Variants in MGAT4C observed in about 807,000 individuals in gnomAD.
MGAT4C encodes alpha-1,3-mannosyl-glycoprotein 4-beta-N-acetylglucosaminyltransferase C.
MGAT4C carries 19 observed loss-of-function variants against 40.1 expected under a neutral mutation model. That is an observed-to-expected ratio of 0.47 (90% CI 0.33 to 0.70). The LOEUF (loss-of-function observed/expected upper bound fraction) is 0.70. Among genes scored for constraint, MGAT4C ranks in the 30% least tolerant of loss-of-function variants. MGAT4C has a pLI of 0.02. For missense variants in MGAT4C, 491 were observed against 563.2 expected (o/e 0.87, Z 1.30); for synonymous variants, 181 against 187.1 (o/e 0.97, Z 0.27).
chr12:86,070,341 T>A (rs1057453561), intron 1 of MGAT4C, among the ~76,000 whole-genome samples: 4 of 152,246 alleles, frequency 2.6e-5, no homozygotes, highest in African/African-American at 9.6e-5. Context: ...CACATTTGAT[T>A]GCCAAGTTTA....
At chr12:86,442,680 C>T (rs931413279) in intron 2 of MGAT4C, among the ~76,000 whole-genome samples, 11 of 150,988 alleles carry the variant, frequency 7.3e-5, no homozygotes, top group African/African-American at 2.4e-4. Context: ...TTTCTGAGGG[C>T]TCTGTTCTGT....
chr12:86,569,021 AAGG>A (rs769863195), intron 2 of MGAT4C, among the ~76,000 whole-genome samples: 4 of 151,974 alleles, frequency 2.6e-5, no homozygotes, highest in Non-Finnish European at 5.9e-5. Context: ...AAATTTAACC[AAGG>A]AGGTGAAAAA....
intron 2 of MGAT4C, among the ~76,000 whole-genome samples, chr12:86,707,015 G>C (rs1360643324): frequency 1.3e-5 from 2 of 152,278 alleles, no homozygotes; most frequent in East Asian, 3.9e-4. Context: ...GATGTGACTT[G>C]CTCCTCCTTG....
At chr12:86,655,562 GA>G (rs1405370240) in intron 2 of MGAT4C, among the ~76,000 whole-genome samples, 5 of 151,772 alleles carry the variant, frequency 3.3e-5, no homozygotes, top group East Asian at 1.9e-4. Context: ...CATATTCAAT[GA>G]AAAAAAATTT....
At position 86,077,504 on chromosome 12, in the gene MGAT4C, C is replaced by T. The variant is rs117430536; in HGVS notation, c.-56-27781G>A. Reference sequence around the variant, plus strand: ...TTTAACAAAAGGAGTAGGAAATACTCATGACAATTACAGTCCTCATTTCTG... The same window carrying T: ...TTTAACAAAAGGAGTAGGAAATACTTATGACAATTACAGTCCTCATTTCTG... On this transcript the variant is annotated intron_variant, in intron 1 of 4. Coordinates refer to ENST00000611864, the MANE Select transcript of MGAT4C (RefSeq NM_001351288.2). Among the ~76,000 whole-genome samples the T allele has an allele frequency of 3.9e-5, 6 of 152,314 alleles. No homozygotes were observed. The East Asian group carries it at 9.6e-4, about 24-fold the overall frequency.
chr12:86,815,459 T>G (rs1198315793), intron 1 of MGAT4C, among the ~76,000 whole-genome samples: 1 of 150,938 alleles, frequency 6.6e-6, no homozygotes, highest in African/African-American at 2.4e-5. Context: ...GAACTAAAAG[T>G]AGAACTACCA....
intron 2 of MGAT4C, among the ~76,000 whole-genome samples, chr12:86,476,307 T>C (rs1175165752): frequency 6.6e-6 from 1 of 152,020 alleles, no homozygotes; most frequent in Non-Finnish European, 1.5e-5. Flanking sequence ...AAAGAAGACA[T>C]ACAAGTGGCC....
chr12:86,806,659 C>T (rs1311967083), intron 1 of MGAT4C, among the ~76,000 whole-genome samples: 3 of 152,002 alleles, frequency 2.0e-5, no homozygotes, highest in Non-Finnish European at 4.4e-5. Flanking sequence ...TAACCACTAG[C>T]ATGCACTAAC....
intron 2 of MGAT4C, among the ~76,000 whole-genome samples, chr12:86,715,331 A>G (rs928660384): frequency 1.3e-5 from 2 of 152,164 alleles, no homozygotes; most frequent in African/African-American, 4.8e-5. Flanking sequence ...TAGAAATTAA[A>G]GTAGAAGCTA....
intron 4 of MGAT4C, among the ~76,000 whole-genome samples, chr12:86,284,620 A>T (rs1392506407): frequency 6.6e-6 from 1 of 152,010 alleles, no homozygotes; most frequent in Non-Finnish European, 1.5e-5. Flanking sequence ...TAATAATTGA[A>T]AAGAAACAGT....
intron 2 of MGAT4C, among the ~76,000 whole-genome samples, chr12:86,722,535 C>T (rs1950754307): frequency 1.3e-5 from 2 of 152,170 alleles, no homozygotes; most frequent in African/African-American, 4.8e-5. Context: ...ACATAGCACA[C>T]TATCAAGACC....
rs562131512 is a variant in MGAT4C at position 86,181,178 on chromosome 12, T to C, written c.-57+75061A>G. On this transcript the variant is annotated intron_variant, in intron 1 of 4. Transcript: ENST00000611864. ...TGCCGCGGCCATGTAAGAATTGCCT[T>C]TTGCCTCCTGCCATGATTCTGAGGC... Among the ~76,000 whole-genome samples the C allele has an allele frequency of 1.4e-4, 22 of 152,286 alleles. No homozygotes were observed. In the South Asian group the frequency reaches 4.6e-3, roughly 32 times the overall value.
intron 1 of MGAT4C, among the ~76,000 whole-genome samples, chr12:86,162,535 A>G (rs1217128921): frequency 6.6e-6 from 1 of 152,142 alleles, no homozygotes; most frequent in African/African-American, 2.4e-5. Flanking sequence ...CCTATTGGGT[A>G]CTATGCTCAT....
chr12:86,608,535 A>G (rs1320248192), intron 2 of MGAT4C, among the ~76,000 whole-genome samples: 1 of 152,134 alleles, frequency 6.6e-6, no homozygotes, highest in Non-Finnish European at 1.5e-5. Flanking sequence ...TCATGGGACT[A>G]TACTGCAACT....
At chr12:86,180,286 T>C (rs1887968914) in intron 1 of MGAT4C, among the ~76,000 whole-genome samples, 1 of 152,218 alleles carries the variant, frequency 6.6e-6, no homozygotes, top group Admixed American at 6.5e-5. Context: ...AGGCAAAAGT[T>C]TTCTGCAGTG....
At chr12:86,654,524 T>C (rs1963786650) in intron 2 of MGAT4C, among the ~76,000 whole-genome samples, 1 of 151,976 alleles carries the variant, frequency 6.6e-6, no homozygotes, top group South Asian at 2.1e-4. Flanking sequence ...AAATTTTCTA[T>C]GTGGATTTTC....
intron 2 of MGAT4C, among the ~76,000 whole-genome samples, chr12:86,637,991 A>C (rs956133038): frequency 2.0e-5 from 3 of 151,932 alleles, no homozygotes; most frequent in Admixed American, 6.6e-5. Context: ...AACATGGCCA[A>C]GCAGCATGTA....
intron 1 of MGAT4C, among the ~76,000 whole-genome samples, chr12:86,233,677 G>A (rs1048449827): frequency 1.3e-5 from 2 of 151,952 alleles, no homozygotes; most frequent in African/African-American, 4.8e-5. Context: ...ATTTGATTAG[G>A]AATTCCCTTT....
At chr12:86,740,462 A>T (rs2136129553) in intron 1 of MGAT4C, among the ~76,000 whole-genome samples, 1 of 151,358 alleles carries the variant, frequency 6.6e-6, no homozygotes, top group East Asian at 1.9e-4. Context: ...TTATTAACCA[A>T]AAAGATAATA....
Sources: gnomAD v4.1 joint callset for allele counts (sites outside exome capture counted in the v4.1 genomes callset) on GRCh38, gnomAD v4.1.1 for gene constraint, MANE v1.5 for transcripts, NCBI Gene and HGNC (gene_info 2026-07-23, HGNC 2026-07-21) for gene names.